The following UBIAD1 variants were observed in gnomAD, a reference collection of about 807,000 sequenced individuals.
UBIAD1 encodes UbiA prenyltransferase domain containing 1, also known as ubiA prenyltransferase domain-containing protein 1.
UBIAD1 carries 12 observed loss-of-function variants against 20.1 expected under a neutral mutation model. The ratio of observed to expected loss-of-function variants is 0.60; its 90% CI spans 0.38 to 0.97. The LOEUF (loss-of-function observed/expected upper bound fraction) is 0.97. UBIAD1 is among the 50% of genes least tolerant of loss of function. UBIAD1 has a pLI of 0.00. For missense variants in UBIAD1, 333 were observed against 419.5 expected (o/e 0.79, Z 1.80); for synonymous variants, 207 against 189.2 (o/e 1.09, Z -0.77).
chr1:11,291,443 A>G (rs1638363980), downstream of UBIAD1, among the ~76,000 whole-genome samples: 1 of 151,860 alleles, frequency 6.6e-6, no homozygotes, highest in Non-Finnish European at 1.5e-5. Context: ...CCCTGTCTCT[A>G]CAAAAATACA....
At chr1:11,298,205 A>G (rs1638477307), downstream of UBIAD1, among the ~76,000 whole-genome samples, 1 of 151,918 alleles carries the variant, frequency 6.6e-6, no homozygotes, top group Non-Finnish European at 1.5e-5. The surrounding 1 kb of genome is among the most constrained non-coding windows in gnomAD (Gnocchi z 4.0). Context: ...TGATCCACCC[A>G]CTCTGGCCTC....
chr1:11,297,540 A>T (rs144724528), downstream of UBIAD1, among the ~76,000 whole-genome samples: 422 of 152,340 alleles, frequency 2.8e-3, 2 homozygotes, highest in African/African-American at 9.5e-3. Context: ...CTGCCCTGGC[A>T]CCAGGATAAG....
intron 1 of UBIAD1, among the ~76,000 whole-genome samples, chr1:11,279,712 G>C (rs191419585): frequency 6.6e-6 from 1 of 152,342 alleles, no homozygotes; most frequent in East Asian, 1.9e-4. Flanking sequence ...CACTGCGCCT[G>C]GCCAACTTTG....
intron 1 of UBIAD1, chr1:11,278,538 T>A: frequency 2.4e-6 from 2 of 845,414 alleles, no homozygotes; most frequent in Non-Finnish European, 3.3e-6. Flanking sequence ...GTATTTTGCA[T>A]TGTGATATTT....
chr1:11,290,139 T>G (rs1419196823), downstream of UBIAD1, among the ~76,000 whole-genome samples: 3 of 152,220 alleles, frequency 2.0e-5, no homozygotes, highest in African/African-American at 7.2e-5. Context: ...GTGCTGAGAT[T>G]ACAGGCGTGA....
At chr1:11,274,558 A>G (rs1651932439) in intron 1 of UBIAD1, among the ~76,000 whole-genome samples, 1 of 150,596 alleles carries the variant, frequency 6.6e-6, no homozygotes, top group Non-Finnish European at 1.5e-5. Context: ...CAGCCTCCCA[A>G]AGTTCTAAGA....
At position 11,273,951 on chromosome 1, in the gene UBIAD1, G is replaced by A; in HGVS notation, c.420G>A (p.Thr140=). ...DVVRFGVFLY[T]LGCVCAACLY... is the part of the protein sequence containing the mutation. ...TCCGGTTCGGAGTCTTCCTCTACAC[G>A]TTGGGCTGCGTCTGTGCCGCTTGCC... is the stretch of plus-strand genomic sequence containing the variant. The change falls in exon 1 of 2, where the codon ACG becomes ACA. Residue 140 remains threonine, a synonymous_variant. Coordinates refer to ENST00000376810, the MANE Select transcript of UBIAD1 (RefSeq NM_013319.3). The surrounding 1 kb of genome is among the most constrained non-coding windows in gnomAD (Gnocchi z 4.9). The A allele has an allele frequency of 6.2e-7, 1 of 1,614,236 alleles. No homozygotes were observed. Among genetic ancestry groups the A allele is most frequent in the Admixed American group, 1.7e-5 (1 of 60,022 alleles).
At chr1:11,290,495 C>T (rs1277233128), downstream of UBIAD1, among the ~76,000 whole-genome samples, 1 of 152,224 alleles carries the variant, frequency 6.6e-6, no homozygotes, top group Non-Finnish European at 1.5e-5. Flanking sequence ...CACTACCACT[C>T]TACCTATGAT....
In UBIAD1 at chr1:11,287,701, G is replaced by GAGGTCA. The variant is rs1638296359; in HGVS notation, c.*1570_*1571insAGGTCA. 1 of 152,166 alleles carries GAGGTCA rather than the reference G, an allele frequency of 6.6e-6. No homozygotes were observed. The highest frequency in any genetic ancestry group is 1.5e-5 in the Non-Finnish European group (1 of 68,034). 9.4% of individuals were successfully genotyped at this position (152,166 alleles called of 1,614,324 possible). ...TCCCAGCACTTTGGGAGGCCGAGAC[G>GAGGTCA]GGCGGATCACGAGGTCAGGAGATCG... On this transcript the variant is annotated 3_prime_UTR_variant, in exon 2 of 2. Coordinates refer to ENST00000376810, the MANE Select transcript of UBIAD1 (RefSeq NM_013319.3).
rs1638242981 is a variant in UBIAD1, at chr1:11,285,427, G to A, written c.530-217G>A. The stretch of plus-strand genomic sequence containing the variant: ...AAACTTGGGTATGAACCTGGGAAGA[G>A]GGACTTGAGGCCTCACTGGGCATTC... On this transcript the variant is annotated intron_variant, in intron 1 of 1. Coordinates refer to ENST00000376810, the MANE Select transcript of UBIAD1 (RefSeq NM_013319.3). The surrounding 1 kb of genome is among the most constrained non-coding windows in gnomAD (Gnocchi z 4.4). 6.6e-6 allele frequency among the ~76,000 whole-genome samples: 1 copy of A among 152,288 alleles called. No homozygotes were observed. The highest frequency in any genetic ancestry group is 2.1e-4 in the South Asian group (1 of 4,824).
rs1331039690 is a variant in UBIAD1 at position 11,273,288 on chromosome 1, G to C, written c.-244G>C. On this transcript the variant is annotated 5_prime_UTR_variant, in exon 1 of 2. Transcript: ENST00000376810. The surrounding 1 kb of genome is among the most constrained non-coding windows in gnomAD (Gnocchi z 4.9). ...CCGCGGCTCAGCCGTGGGCTCTAAC[G>C]CGGGGCTGGGGGCCGGAGACAGACT... 3 of 562,842 alleles carry C rather than the reference G, an allele frequency of 5.3e-6. No individual in the cohort carries two copies. Among genetic ancestry groups the C allele is most frequent in the Non-Finnish European group, 9.5e-6 (3 of 314,186 alleles). 34.9% of individuals were successfully genotyped at this position (562,842 alleles called of 1,614,324 possible).
intron 1 of UBIAD1, among the ~76,000 whole-genome samples, chr1:11,280,744 G>A (rs909739866): frequency 1.3e-5 from 2 of 152,110 alleles, no homozygotes; most frequent in African/African-American, 4.8e-5. Flanking sequence ...ACTTCTTACC[G>A]TGTCCAGCCA....
chr1:11,295,234 G>T, downstream of UBIAD1: 1 of 346,562 alleles, frequency 2.9e-6, no homozygotes, highest in Non-Finnish European at 5.4e-6. Flanking sequence ...CGGCGATCAA[G>T]GTTTCTAGGA....
rs752686457 is a variant in UBIAD1 at position 11,273,744 on chromosome 1, T to A, written c.213T>A (p.Leu71=). The A allele has an allele frequency of 6.2e-7, 1 of 1,614,096 alleles. No individual in the cohort carries two copies. Among genetic ancestry groups the A allele is most frequent in the Non-Finnish European group, 8.5e-7 (1 of 1,180,014 alleles). Residue 71 remains leucine, a synonymous_variant, in exon 1 of 2, where the codon CTT becomes CTA. Transcript: ENST00000376810. This position sits in a 1 kb window ranked among gnomAD's most constrained non-coding sequence, Gnocchi z 4.9. ...CACCGGTGGCCCTGGGCAGTGCCCT[T>A]GCCTACAGATCCCACGGTGTCCTGG... ...SLTPVALGSA[L]AYRSHGVLDP... is the part of the protein sequence containing the mutation.
chr1:11,298,500 G>A (rs1320214571), downstream of UBIAD1, among the ~76,000 whole-genome samples: 1 of 152,020 alleles, frequency 6.6e-6, no homozygotes, highest in Non-Finnish European at 1.5e-5. The surrounding 1 kb of genome is among the most constrained non-coding windows in gnomAD (Gnocchi z 4.0). Flanking sequence ...CTGGGAGGTG[G>A]AGGTTGCAGT....
At position 11,286,092 on chromosome 1, in the gene UBIAD1, C is replaced by T; in HGVS notation, c.978C>T (p.Gly326=). 1.9e-6 allele frequency: 3 copies of T among 1,614,188 alleles called. No individual in the cohort carries two copies. Among genetic ancestry groups the T allele is most frequent in the African/African-American group, 1.3e-5 (1 of 75,028 alleles). The change falls in exon 2 of 2, where the codon GGC becomes GGT. Residue 326 remains glycine (G), a synonymous_variant. Coordinates refer to ENST00000376810, the MANE Select transcript of UBIAD1 (RefSeq NM_013319.3). ...TGCTGGGACTTTTCTATGTCTTTGG[C>T]ATCATTCTGGCACCAGCAGGCAGTC... ...NLLLGLFYVF[G]IILAPAGSLP... is the part of the protein sequence containing the mutation.
At chr1:11,290,111 C>A (rs2101026501), downstream of UBIAD1, among the ~76,000 whole-genome samples, 1 of 152,286 alleles carries the variant, frequency 6.6e-6, no homozygotes, top group South Asian at 2.1e-4. Context: ...GGCTATCTAC[C>A]CATCTGGGCC....
In UBIAD1 at chr1:11,286,078, T is replaced by C. The variant is rs767425458; in HGVS notation, c.964T>C (p.Phe322Leu). 1 of 1,614,180 alleles carries C rather than the reference T, an allele frequency of 6.2e-7. No homozygotes were observed. Among genetic ancestry groups the C allele is most frequent in the South Asian group, 1.1e-5 (1 of 91,088 alleles). The change falls in exon 2 of 2, where the codon TTC (phenylalanine) becomes CTC (leucine). Residue 322 changes from phenylalanine (F) to leucine (L), a missense_variant. Phe to Leu is a conservative substitution (Grantham distance 22). This residue lies in a region of UBIAD1 where 226 missense variants were observed against 263.5 expected (regional missense o/e 0.86). Coordinates refer to ENST00000376810, the MANE Select transcript of UBIAD1 (RefSeq NM_013319.3). ...CAAGCTCAACCTCCTGCTGGGACTT[T>C]TCTATGTCTTTGGCATCATTCTGGC... ...TAKLNLLLGL[F>L]YVFGIILAPA...
At chr1:11,278,811 C>T in intron 1 of UBIAD1, 1 of 483,370 alleles carries the variant, frequency 2.1e-6, no homozygotes, top group Non-Finnish European at 3.8e-6. Context: ...ACAAATCTAA[C>T]TGATGGGGGA....
Sources: gnomAD v4.1 joint callset for allele counts (sites outside exome capture counted in the v4.1 genomes callset) on GRCh38, gnomAD v4.1.1 for gene constraint, gnomAD v4.1.1 regional missense constraint, Gnocchi (gnomAD v3.1) non-coding constraint, MANE v1.5 for transcripts, NCBI Gene and HGNC (gene_info 2026-07-23, HGNC 2026-07-21) for gene names.